PHLDB2: variants seen among roughly 807,000 people sequenced by gnomAD.
PHLDB2 encodes the protein pleckstrin homology like domain family B member 2.
PHLDB2 carries 71 observed loss-of-function variants against 123.6 expected under a neutral mutation model. That is an observed-to-expected ratio of 0.57 (90% CI 0.47 to 0.70). The LOEUF is 0.70. Among genes scored for constraint, PHLDB2 ranks in the 30% least tolerant of loss-of-function variants. The pLI, the probability that PHLDB2 is intolerant of heterozygous loss-of-function variation, is 0.00. For synonymous variants in PHLDB2, 547 were observed against 541.6 expected (o/e 1.01, Z -0.14); for missense variants, 1,446 against 1,519.5 (o/e 0.95, Z 0.80).
intron 1 of PHLDB2, among the ~76,000 whole-genome samples, chr3:111,826,509 A>C (rs1236772294): frequency 6.6e-6 from 1 of 152,136 alleles, no homozygotes; most frequent in Non-Finnish European, 1.5e-5. Context: ...GGGCAATCCT[A>C]AACACTTGTG....
At chr3:111,813,591 T>A (rs2061941618) in intron 1 of PHLDB2, among the ~76,000 whole-genome samples, 3 of 152,104 alleles carry the variant, frequency 2.0e-5, no homozygotes. Context: ...ATTATACAAA[T>A]CTTTGGAATT....
chr3:111,868,709 A>G (rs1006329120), intron 1 of PHLDB2, among the ~76,000 whole-genome samples: 2 of 152,116 alleles, frequency 1.3e-5, no homozygotes, highest in East Asian at 3.9e-4. Flanking sequence ...TTTAACACAA[A>G]TGTGAGCCTA....
chr3:111,934,855 A>G (rs2069371928), intron 6 of PHLDB2, among the ~76,000 whole-genome samples: 1 of 152,210 alleles, frequency 6.6e-6, no homozygotes, highest in Non-Finnish European at 1.5e-5. Flanking sequence ...GAGGATATTT[A>G]GGCCCATAGA....
intron 1 of PHLDB2, among the ~76,000 whole-genome samples, chr3:111,876,025 A>G (rs771624201): frequency 5.3e-5 from 8 of 152,052 alleles, no homozygotes; most frequent in Non-Finnish European, 7.4e-5. Context: ...TAAAATCACT[A>G]CTGATTTTTT....
At chr3:111,825,696 C>T (rs537007769) in intron 1 of PHLDB2, among the ~76,000 whole-genome samples, 67 of 152,354 alleles carry the variant, frequency 4.4e-4, no homozygotes, top group African/African-American at 1.6e-3. Context: ...GATCTGCCCA[C>T]CTTGGCCTCC....
intron 8 of PHLDB2, among the ~76,000 whole-genome samples, chr3:111,942,467 T>C (rs1266305589): frequency 6.6e-6 from 1 of 152,122 alleles, no homozygotes; most frequent in Admixed American, 6.6e-5. Context: ...ATACCTGGAG[T>C]GGTGAAAATT....
upstream of PHLDB2, among the ~76,000 whole-genome samples, chr3:111,856,269 T>C (rs1042435627): frequency 3.3e-5 from 5 of 152,194 alleles, no homozygotes; most frequent in African/African-American, 4.8e-5. Context: ...GAATTATTCA[T>C]TATACAGAAA....
At chr3:111,737,463 A>T (rs2059529699) in intron 1 of PHLDB2, among the ~76,000 whole-genome samples, 1 of 152,110 alleles carries the variant, frequency 6.6e-6, no homozygotes, top group African/African-American at 2.4e-5. Context: ...ACCCACCCAA[A>T]ACTTGTTCCC....
At chr3:111,747,841 A>G (rs2059704645) in intron 1 of PHLDB2, among the ~76,000 whole-genome samples, 1 of 152,120 alleles carries the variant, frequency 6.6e-6, no homozygotes, top group South Asian at 2.1e-4. Context: ...ACTAATCTCA[A>G]ATGTTATTTG....
intron 1 of PHLDB2, among the ~76,000 whole-genome samples, chr3:111,811,289 A>G (rs1383997896): frequency 6.6e-6 from 1 of 152,202 alleles, no homozygotes; most frequent in African/African-American, 2.4e-5. Context: ...AACAGAAAGT[A>G]ATCATTGCTA....
chr3:111,898,182 T>TGTGTGTGTGTG (rs1553747095), intron 2 of PHLDB2, among the ~76,000 whole-genome samples: 79 of 142,656 alleles, frequency 5.5e-4, no homozygotes, highest in African/African-American at 1.9e-3. Context: ...GTGTGTGTGT[T>TGTGTGTGTGTG]TGTGTGTGTG....
chr3:111,831,030 A>AAAGAAAGAAAGAAAGAAAGGAAGG (rs1559855366), intron 1 of PHLDB2, among the ~76,000 whole-genome samples: 1 of 72,010 alleles, frequency 1.4e-5, no homozygotes, highest in Non-Finnish European at 2.9e-5. Context: ...AGAAAGAAAG[A>AAAGAAAGAAAGAAAGAAAGGAAGG]AAGGAAGGAA....
chr3:111,945,235 CTT>C lies in PHLDB2; in HGVS notation c.2398-30_2398-29del, dbSNP rs764599463. On this transcript the variant is annotated intron_variant, in intron 8 of 17. Transcript: ENST00000431670. ...GCTTCTCAGTTGCATCGAAGGTTGA[CTT>C]TTAAGTTTAATAGGTTTTGTATTCC... 32 of 1,482,366 alleles carry C rather than the reference CTT, an allele frequency of 2.2e-5. No homozygotes were observed. In the South Asian group the frequency reaches 3.6e-4, roughly 17 times the overall value. The allele number at this position is 1,482,366 out of a possible 1,614,324, so 91.8% of individuals were successfully genotyped here.
chr3:111,961,158 C>A (rs1011768445), intron 12 of PHLDB2, among the ~76,000 whole-genome samples: 17 of 152,200 alleles, frequency 1.1e-4, no homozygotes, highest in South Asian at 1.0e-3. Context: ...TGGTGAAACC[C>A]CGTCTCTACT....
At chr3:111,791,543 TAC>T (rs2060925998) in intron 1 of PHLDB2, among the ~76,000 whole-genome samples, 1 of 152,370 alleles carries the variant, frequency 6.6e-6, no homozygotes, top group Non-Finnish European at 1.5e-5. Flanking sequence ...AGAGTTGTTG[TAC>T]CAACTCAATC....
chr3:111,737,114 G>A (rs1240931792), intron 1 of PHLDB2, among the ~76,000 whole-genome samples: 1 of 152,182 alleles, frequency 6.6e-6, no homozygotes, highest in Non-Finnish European at 1.5e-5. Flanking sequence ...ACAGAAACCA[G>A]CTACAGTTAC....
chr3:111,770,370 C>G (rs978846339), intron 1 of PHLDB2, among the ~76,000 whole-genome samples: 2 of 152,120 alleles, frequency 1.3e-5, no homozygotes, highest in Non-Finnish European at 2.9e-5. Context: ...TTAGAGACTA[C>G]CAATTAGTAA....
chr3:111,810,918 C>T (rs1453472004), intron 1 of PHLDB2, among the ~76,000 whole-genome samples: 1 of 152,138 alleles, frequency 6.6e-6, no homozygotes, highest in African/African-American at 2.4e-5. Flanking sequence ...TAGGGATGTA[C>T]AGTTGTATCT....
intron 1 of PHLDB2, among the ~76,000 whole-genome samples, chr3:111,865,653 G>T (rs2065033165): frequency 6.6e-6 from 1 of 152,008 alleles, no homozygotes; most frequent in Non-Finnish European, 1.5e-5. Context: ...GAACTAAGAT[G>T]GATCTTCTGA....
Sources: gnomAD v4.1 joint callset for allele counts (sites outside exome capture counted in the v4.1 genomes callset) on GRCh38, gnomAD v4.1.1 for gene constraint, MANE v1.5 for transcripts, NCBI Gene and HGNC (gene_info 2026-07-23, HGNC 2026-07-21) for gene names.